PCDHGA3: variants seen among roughly 807,000 people sequenced by gnomAD.
The protein encoded by PCDHGA3 is protocadherin gamma-A3.
A neutral mutation model predicts 58.5 loss-of-function variants in PCDHGA3; 40 were observed. The ratio of observed to expected loss-of-function variants is 0.68; its 90% CI spans 0.53 to 0.89. The LOEUF is 0.89. Among genes scored for constraint, PCDHGA3 ranks in the 40% least tolerant of loss-of-function variants. The pLI is 0.00. For missense variants in PCDHGA3, 1,223 were observed against 1,195.9 expected (o/e 1.02, Z -0.33); for synonymous variants, 530 against 525.7 (o/e 1.01, Z -0.11).
At chr5:141,404,443 A>G in intron 1 of PCDHGA3, 1 of 1,613,468 alleles carries the variant, frequency 6.2e-7, no homozygotes, top group East Asian at 2.2e-5. Flanking sequence ...ATACCATCCA[A>G]GGGTCTCCTC....
At chr5:141,437,741 C>CT (rs35124340) in intron 1 of PCDHGA3, among the ~76,000 whole-genome samples, 18,734 of 141,656 alleles carry the variant, frequency 0.13, 1,459 homozygotes, top group African/African-American at 0.22. Context: ...TTGAGTTCAC[C>CT]TTTTTTTTTT....
At chr5:141,505,239 G>A (rs2099844708) in intron 2 of PCDHGA3, 154 bp from the exon 3 acceptor site, 1 of 886,092 alleles carries the variant, frequency 1.1e-6, no homozygotes, top group Middle Eastern at 5.9e-4. Context: ...GCTTCTGAAG[G>A]ATTGTAGAAG....
intron 1 of PCDHGA3, chr5:141,441,037 A>G (rs1318122240): frequency 6.6e-6 from 1 of 152,194 alleles, no homozygotes; most frequent in Admixed American, 6.5e-5. Context: ...GAAAACTTTA[A>G]GTACATTGGA....
At chr5:141,365,421 C>T in intron 1 of PCDHGA3, 1 of 1,614,014 alleles carries the variant, frequency 6.2e-7, no homozygotes, top group East Asian at 2.2e-5. Flanking sequence ...CTTCCCGGAA[C>T]TGTAATCGCG....
intron 1 of PCDHGA3, chr5:141,427,712 C>A: frequency 9.5e-7 from 1 of 1,051,464 alleles, no homozygotes; most frequent in Non-Finnish European, 1.4e-6. Context: ...GCGCCTCTGA[C>A]CTGGACCTAG....
chr5:141,494,142 A>G (rs2099752161), intron 1 of PCDHGA3, among the ~76,000 whole-genome samples: 1 of 152,090 alleles, frequency 6.6e-6, no homozygotes, highest in South Asian at 2.1e-4. Context: ...TTAGTCACAG[A>G]CCATTGTCTG....
intron 1 of PCDHGA3, chr5:141,394,129 C>T: frequency 3.7e-6 from 6 of 1,613,968 alleles, no homozygotes; most frequent in Non-Finnish European, 5.1e-6. Context: ...ACTCAAATCG[C>T]TCTGCACGTG....
At chr5:141,381,992 G>A (rs553767265) in intron 1 of PCDHGA3, among the ~76,000 whole-genome samples, 50 of 151,748 alleles carry the variant, frequency 3.3e-4, no homozygotes, top group African/African-American at 1.1e-3. Context: ...ACCACGCCCG[G>A]ATAATTTTGT....
At chr5:141,370,837 C>T in intron 1 of PCDHGA3, 1 of 1,614,004 alleles carries the variant, frequency 6.2e-7, no homozygotes, top group Non-Finnish European at 8.5e-7. Flanking sequence ...CTGGCTCTCA[C>T]TGGAGCCACA....
At chr5:141,394,637 G>C (rs201732776) in intron 1 of PCDHGA3, 4 of 1,613,464 alleles carry the variant, frequency 2.5e-6, no homozygotes, top group African/African-American at 1.3e-5. Flanking sequence ...CCTACCGCCT[G>C]CTCAAGGCCA....
chr5:141,383,761 C>G (rs923900490), intron 1 of PCDHGA3: 15 of 1,613,834 alleles, frequency 9.3e-6, no homozygotes, highest in Non-Finnish European at 1.1e-5. Flanking sequence ...AACTCCTAAA[C>G]TTCCAAAGAT....
intron 1 of PCDHGA3, chr5:141,414,787 G>T (rs372484037): frequency 6.2e-7 from 1 of 1,614,230 alleles, no homozygotes; most frequent in Admixed American, 1.7e-5. Context: ...GCAGGTGACA[G>T]CCAGCGACAG....
chr5:141,374,459 A>G (rs764751595), intron 1 of PCDHGA3: 2 of 1,613,448 alleles, frequency 1.2e-6, no homozygotes, highest in Non-Finnish European at 1.7e-6. Context: ...AATAGTGGAC[A>G]TTAATGACAA....
chr5:141,399,309 C>CA (rs1033550021), intron 1 of PCDHGA3: 6 of 1,613,784 alleles, frequency 3.7e-6, no homozygotes, highest in African/African-American at 1.3e-5. Context: ...TCTCTTCATC[C>CA]AAAAATTCGT....
At chr5:141,488,146 A>G (rs1458115635) in intron 1 of PCDHGA3, among the ~76,000 whole-genome samples, 2 of 152,164 alleles carry the variant, frequency 1.3e-5, no homozygotes, top group South Asian at 4.1e-4. Context: ...AACTAAAGGA[A>G]TAGAGAGGCA....
chr5:141,403,333 C>G (rs376895778), intron 1 of PCDHGA3: 1 of 1,613,984 alleles, frequency 6.2e-7, no homozygotes, highest in South Asian at 1.1e-5. Context: ...CTGATATTAA[C>G]GACAGCGCCC....
chr5:141,387,767 T>C, intron 1 of PCDHGA3: 5 of 1,435,258 alleles, frequency 3.5e-6, no homozygotes, highest in Non-Finnish European at 4.6e-6. Context: ...AAGAAGAATT[T>C]TTTCTTGAAC....
At position 141,388,702 on chromosome 5, in the gene PCDHGA3, T is replaced by G. The variant is rs201901866; in HGVS notation, c.2424+42245T>G. 3.2e-3 allele frequency: 5,096 copies of G among 1,613,936 alleles called. 17 individuals are homozygous for G. The highest frequency in any genetic ancestry group is 8.9e-3 in the Middle Eastern group (54 of 6,062). On this transcript the variant is annotated intron_variant, in intron 1 of 3. Coordinates refer to ENST00000253812, the MANE Select transcript of PCDHGA3 (RefSeq NM_018916.4). ...ACTGCCACGGACCAGGATGAGGGTG[T>G]CAATGCCGAGATTACTTTCTCTTTC...
At chr5:141,372,213 C>A (rs999187008) in intron 1 of PCDHGA3, 1 of 1,613,592 alleles carries the variant, frequency 6.2e-7, no homozygotes, top group Non-Finnish European at 8.5e-7. Flanking sequence ...GCTGTCCTAC[C>A]ACATTGTGCA....
Sources: gnomAD v4.1 joint callset for allele counts (sites outside exome capture counted in the v4.1 genomes callset) on GRCh38, gnomAD v4.1.1 for gene constraint, MANE v1.5 for transcripts, NCBI Gene and HGNC (gene_info 2026-07-23, HGNC 2026-07-21) for gene names.